The following TOMM20L variants were observed in gnomAD, a reference collection of about 807,000 sequenced individuals.
TOMM20L encodes the protein TOMM20-like protein 1.
In TOMM20L, 19 loss-of-function variants were observed where a neutral mutation model predicts 20.4. The ratio of observed to expected loss-of-function variants is 0.93; its 90% confidence interval spans 0.65 to 1.36. The LOEUF is 1.36. Among genes scored for constraint, TOMM20L ranks in the 40% most tolerant of loss-of-function variants. TOMM20L has a pLI of 0.00. For synonymous variants in TOMM20L, 75 were observed against 79.6 expected, an observed-to-expected ratio of 0.94 and a Z score of 0.30; for missense variants, 218 against 203.7, an observed-to-expected ratio of 1.07 and a Z score of -0.43.
In TOMM20L at chr14:58,402,812, A is replaced by G. The variant is rs550300669; in HGVS notation, c.262+51A>G. ...AGTTATGACAGCTTATACTTGAGAA[A>G]TATTTATTGATTAGTATTTGTATGT... On this transcript the variant is annotated intron_variant, in intron 3 of 4. Transcript: ENST00000360945. The G allele has an allele frequency of 3.8e-6, 5 of 1,325,048 alleles. No individual in the cohort carries two copies. In the South Asian group the frequency reaches 4.8e-5, roughly 13 times the overall value. The allele number at this position is 1,325,048 out of a possible 1,614,324, so 82.1% of individuals were successfully genotyped here. A position where few individuals can be genotyped will look rare whatever the true frequency, so the allele number is the denominator to read the frequency against.
At chr14:58,396,459 G>A in intron 2 of TOMM20L, 118 bp downstream of exon 2, 3 of 1,131,658 alleles carry the variant, frequency 2.7e-6, no homozygotes, top group East Asian at 2.6e-5. Context: ...GCCCGTGCCC[G>A]GGAAGAGGCC....
intron 2 of TOMM20L, among the ~76,000 whole-genome samples, chr14:58,399,793 G>C (rs2140300470): frequency 6.7e-6 from 1 of 148,562 alleles, no homozygotes; most frequent in South Asian, 2.1e-4. Context: ...GGTATCACTA[G>C]CCTCCCTGCT....
downstream of TOMM20L, among the ~76,000 whole-genome samples, chr14:58,413,358 T>C (rs139692198): frequency 1.0e-3 from 154 of 152,364 alleles, no homozygotes; most frequent in African/African-American, 3.5e-3. Context: ...GTTCTATTAA[T>C]AGTTAACAAA....
chr14:58,412,166 C>A (rs568610679), downstream of TOMM20L: 9 of 445,668 alleles, frequency 2.0e-5, no homozygotes, highest in South Asian at 2.4e-4. Context: ...TTTTTTGAGA[C>A]GGAGTCTCAC....
At position 58,408,571 on chromosome 14, in the gene TOMM20L, G is replaced by A. The variant is rs755233052; in HGVS notation, c.448G>A (p.Asp150Asn). ...GAATGAACAGGACTGCTTGGAGGAT[G>A]ATCCTGATTGAAAAACATTTCAACG... ...DMNEQDCLED[D>N]PD is the part of the protein sequence containing the mutation. The change falls in exon 5 of 5, where the codon GAT becomes AAT. Residue 150 changes from aspartate to asparagine, a missense_variant. Physicochemically the swap from Asp to Asn is conservative, Grantham distance 23. Coordinates refer to ENST00000360945, the MANE Select transcript of TOMM20L (RefSeq NM_207377.3). 6.2e-7 allele frequency: 1 copy of A among 1,614,034 alleles called. No individual in the cohort carries two copies. The highest frequency in any genetic ancestry group is 8.5e-7 in the Non-Finnish European group (1 of 1,179,978).
In TOMM20L at chr14:58,396,035, T is replaced by C; in HGVS notation, c.78T>C (p.Cys26=). The C allele has an allele frequency of 2.1e-6, 3 of 1,439,930 alleles. No individual in the cohort carries two copies. The highest frequency in any genetic ancestry group is 2.7e-6 in the Non-Finnish European group (3 of 1,091,492). The allele number at this position is 1,439,930 out of a possible 1,614,324, so 89.2% of individuals were successfully genotyped here. Residue 26 remains cysteine (C), a synonymous_variant, in exon 1 of 5, where the codon TGT becomes TGC. Coordinates refer to ENST00000360945, the MANE Select transcript of TOMM20L (RefSeq NM_207377.3). ...ACGAFAFLGY[C]IYLNRKRRGD... The stretch of plus-strand genomic sequence containing the variant: ...GCGCCTTCGCCTTCCTGGGCTATTG[T>C]ATTTACCTCAACCGGAAGCGGCGCG...
chr14:58,408,734 AAC>A (rs1225729159), downstream of TOMM20L: 26 of 774,176 alleles, frequency 3.4e-5, no homozygotes, highest in African/African-American at 5.4e-5. Flanking sequence ...CTTTAAAATT[AAC>A]AGTCACAATT....
intron 2 of TOMM20L, among the ~76,000 whole-genome samples, chr14:58,402,235 T>G (rs2036001260): frequency 6.6e-6 from 1 of 152,178 alleles, no homozygotes; most frequent in Non-Finnish European, 1.5e-5. Context: ...AAAGAACAAC[T>G]ACATTTGTCA....
intron 2 of TOMM20L, 75 bp downstream of exon 2, chr14:58,396,416 G>C (rs1204410544): frequency 6.5e-7 from 1 of 1,549,944 alleles, no homozygotes; most frequent in African/African-American, 1.4e-5. Context: ...GGCTCCTGGC[G>C]GGCTCGGCAG....
Position 58,408,700 on chromosome 14 carries a change from A to G in TOMM20L, c.*118A>G. ...TGAGTAATAAAAATTTTTCTATCTC[A>G]TACATGATCGAACACATAAGTTGCT... On this transcript the variant is annotated 3_prime_UTR_variant, in exon 5 of 5. Coordinates refer to ENST00000360945, the MANE Select transcript of TOMM20L (RefSeq NM_207377.3). The G allele has an allele frequency of 2.0e-6, 2 of 984,882 alleles. No homozygotes were observed. The highest frequency in any genetic ancestry group is 4.4e-4 in the Middle Eastern group (2 of 4,552). 61.0% of individuals were successfully genotyped at this position (984,882 alleles called of 1,614,324 possible).
chr14:58,405,913 A>G (rs1390171727), intron 3 of TOMM20L, among the ~76,000 whole-genome samples: 4 of 152,188 alleles, frequency 2.6e-5, no homozygotes, highest in African/African-American at 9.7e-5. Context: ...AACCAATTAA[A>G]TCAGAATCTA....
At chr14:58,402,621 T>C in intron 2 of TOMM20L, 59 bp from the exon 3 acceptor site, 1 of 1,294,344 alleles carries the variant, frequency 7.7e-7, no homozygotes, top group South Asian at 1.2e-5. Flanking sequence ...AATAATTTGA[T>C]CAGTAGCCAT....
chr14:58,398,217 A>G (rs1462391310), intron 2 of TOMM20L, among the ~76,000 whole-genome samples: 1 of 152,150 alleles, frequency 6.6e-6, no homozygotes, highest in African/African-American at 2.4e-5. Flanking sequence ...TATTTGATTA[A>G]TGCTTTCCGT....
downstream of TOMM20L, among the ~76,000 whole-genome samples, chr14:58,413,079 C>A (rs557217386): frequency 9.2e-5 from 14 of 152,230 alleles, no homozygotes; most frequent in African/African-American, 2.4e-4. Flanking sequence ...TTTCAACATA[C>A]AATCACATAA....
intron 2 of TOMM20L, among the ~76,000 whole-genome samples, chr14:58,401,514 G>T (rs993554399): frequency 6.7e-6 from 1 of 149,834 alleles, no homozygotes; most frequent in Non-Finnish European, 1.5e-5. Context: ...AGCTTGCAGT[G>T]AGCTGAGATT....
the TOMM20L span, among the ~76,000 whole-genome samples, chr14:58,416,135 C>T: frequency 3.3e-5 from 5 of 151,296 alleles, no homozygotes; most frequent in South Asian, 2.1e-4. Context: ...GGCTGAGGCA[C>T]GAGAATTGCT....
chr14:58,408,910 C>G, downstream of TOMM20L: 1 of 1,398,150 alleles, frequency 7.2e-7, no homozygotes, highest in Non-Finnish European at 9.6e-7. Flanking sequence ...ATTTGCCAAA[C>G]AGTCATGACA....
At chr14:58,397,467 A>G (rs1194276574) in intron 2 of TOMM20L, among the ~76,000 whole-genome samples, 4 of 152,234 alleles carry the variant, frequency 2.6e-5, no homozygotes, top group African/African-American at 7.2e-5. Context: ...GTGACCGGGA[A>G]TATTGCGGTA....
intron 2 of TOMM20L, among the ~76,000 whole-genome samples, chr14:58,400,445 A>G (rs1048967821): frequency 1.3e-5 from 2 of 151,842 alleles, no homozygotes; most frequent in Non-Finnish European, 2.9e-5. Flanking sequence ...AGAAAAAAAA[A>G]AAAACAGTCT....
Sources: gnomAD v4.1 joint callset for allele counts (sites outside exome capture counted in the v4.1 genomes callset) on GRCh38, gnomAD v4.1.1 for gene constraint, MANE v1.5 for transcripts, NCBI Gene and HGNC (gene_info 2026-07-23, HGNC 2026-07-21) for gene names.